SNX32: variants seen among roughly 807,000 people sequenced by gnomAD.
SNX32 encodes sorting nexin 32.
In SNX32, 58 loss-of-function variants were observed where a neutral mutation model predicts 57.0. The ratio of observed to expected loss-of-function variants is 1.02; its 90% CI spans 0.82 to 1.27. The LOEUF (loss-of-function observed/expected upper bound fraction) is 1.27. SNX32 is among the 50% of genes most tolerant of loss of function. The pLI is 0.00. For missense variants in SNX32, 589 were observed against 541.2 expected (o/e 1.09, Z -0.88); for synonymous variants, 262 against 220.4 (o/e 1.19, Z -1.67).
At chr11:65,837,531 A>C (rs1858700268) in intron 1 of SNX32, among the ~76,000 whole-genome samples, 1 of 152,068 alleles carries the variant, frequency 6.6e-6, no homozygotes, top group South Asian at 2.1e-4. Context: ...AAACAAAACC[A>C]AAAAAGGGCC....
At chr11:65,842,380 G>GGATC (rs2134691789) in intron 1 of SNX32, among the ~76,000 whole-genome samples, 1 of 152,322 alleles carries the variant, frequency 6.6e-6, no homozygotes, top group South Asian at 2.1e-4. Flanking sequence ...CGGGCGTGGT[G>GGATC]GATCATGCCT....
At chr11:65,849,077 G>C (rs1859082407) in intron 1 of SNX32, among the ~76,000 whole-genome samples, 2 of 152,170 alleles carry the variant, frequency 1.3e-5, no homozygotes, top group Non-Finnish European at 2.9e-5. Context: ...CCGGGAGGTG[G>C]AGGTTGCAGT....
At chr11:65,840,940 C>CTTT (rs899587826) in intron 1 of SNX32, among the ~76,000 whole-genome samples, 1 of 148,398 alleles carries the variant, frequency 6.7e-6, no homozygotes, top group African/African-American at 2.5e-5. Flanking sequence ...GTTTTTTTTT[C>CTTT]TTTCTTTCTT....
At chr11:65,851,268 A>C (rs1481201457) in intron 7 of SNX32, 60 bp from the exon 8 acceptor site, 11 of 1,607,506 alleles carry the variant, frequency 6.8e-6, no homozygotes, top group Non-Finnish European at 9.4e-6. Flanking sequence ...GTCTGTGGCC[A>C]CAAGCACCAA....
At chr11:65,834,642 G>A (rs1858608031) in intron 1 of SNX32, among the ~76,000 whole-genome samples, 1 of 151,030 alleles carries the variant, frequency 6.6e-6, no homozygotes, top group Non-Finnish European at 1.5e-5. Context: ...GTGCATGTAT[G>A]CATCTGTGTG....
intron 1 of SNX32, 95 bp from the exon 2 acceptor site, chr11:65,849,383 G>A: frequency 1.1e-6 from 1 of 916,946 alleles, no homozygotes; most frequent in Admixed American, 2.1e-5. Context: ...CAGTGCTGCT[G>A]AAGAGGGTTC....
In SNX32 at chr11:65,852,481, T is replaced by TCACC. The variant is rs1859231776; in HGVS notation, c.842_843insCACC (p.Ala282ThrfsTer5). 2 of 1,613,926 alleles carry TCACC rather than the reference T, an allele frequency of 1.2e-6. No individual in the cohort carries two copies. The highest frequency in any genetic ancestry group is 2.2e-5 in the South Asian group (2 of 91,080). On this transcript the variant is annotated frameshift_variant, in exon 10 of 13. Coordinates refer to ENST00000308342, the MANE Select transcript of SNX32 (RefSeq NM_152760.3). LOFTEE classifies it high-confidence loss of function. ...CTGATGCAGAAGCTGGAGGGCCGGGTGGCTTCCGATGAGGACCTGAAGCTG... is the reference window on the plus strand; with the variant it reads ...CTGATGCAGAAGCTGGAGGGCCGGGTCACCGGCTTCCGATGAGGACCTGAAGCTG...
In SNX32 at chr11:65,852,341, C is replaced by A. The variant is rs140768793; in HGVS notation, c.826-124C>A. ...CTTCCCTGGCCTGCACCCCTCAACA[C>A]CAGACCTGACCTGGAACAGTTACCT... On this transcript the variant is annotated intron_variant, in intron 9 of 12. Coordinates refer to ENST00000308342, the MANE Select transcript of SNX32 (RefSeq NM_152760.3). 3,689 of 857,722 alleles carry A rather than the reference C, an allele frequency of 4.3e-3. 57 individuals carry two copies. Among genetic ancestry groups the A allele is most frequent in the East Asian group, 0.039 (1,601 of 40,776 alleles). 53.1% of individuals were successfully genotyped at this position (857,722 alleles called of 1,614,324 possible).
chr11:65,840,729 G>A (rs1283392985), intron 1 of SNX32, among the ~76,000 whole-genome samples: 1 of 151,878 alleles, frequency 6.6e-6, no homozygotes, highest in African/African-American at 2.4e-5. Context: ...CCTTGAGCCT[G>A]GGAGTTCAAG....
In SNX32 at chr11:65,850,763, G is replaced by C. The variant is rs779564062; in HGVS notation, c.511G>C (p.Gly171Arg). 2 of 1,614,078 alleles carry C rather than the reference G, an allele frequency of 1.2e-6. No homozygotes were observed. The highest frequency in any genetic ancestry group is 1.7e-5 in the Admixed American group (1 of 60,022). Residue 171 changes from glycine to arginine, a missense_variant, in exon 6 of 13, where the codon GGG (glycine) becomes CGG (arginine). Coordinates refer to ENST00000308342, the MANE Select transcript of SNX32 (RefSeq NM_152760.3). ...CTGTGTGCCTCAGCTGAGTGTCCGGGGGAAGAACAGGAAGGAGCTCCTCGG... is the reference window on the plus strand; with the variant it reads ...CTGTGTGCCTCAGCTGAGTGTCCGGCGGAAGAACAGGAAGGAGCTCCTCGG... ...LEYGQDLSVR[G>R]KNRKELLGGF...
chr11:65,851,872 T>C (rs1481273964), intron 9 of SNX32, among the ~76,000 whole-genome samples, 193 bp downstream of exon 9: 2 of 152,076 alleles, frequency 1.3e-5, no homozygotes, highest in Middle Eastern at 3.2e-3. Flanking sequence ...CGTGTGTGTG[T>C]TGGGGGGTGC....
intron 12 of SNX32, 48 bp from the exon 13 acceptor site, chr11:65,853,234 C>T (rs1591043217): frequency 6.2e-7 from 1 of 1,613,204 alleles, no homozygotes. Context: ...AGAATGGCAG[C>T]CTGACTCAGG....
chr11:65,847,321 A>T (rs543375441), intron 1 of SNX32, among the ~76,000 whole-genome samples: 118 of 152,120 alleles, frequency 7.8e-4, no homozygotes, highest in African/African-American at 2.4e-3. Context: ...AAAAATTTTT[A>T]AATTAGCTGG....
intron 1 of SNX32, among the ~76,000 whole-genome samples, chr11:65,845,037 C>CT (rs1266178423): frequency 2.1e-5 from 3 of 145,190 alleles, no homozygotes; most frequent in African/African-American, 7.6e-5. Flanking sequence ...GTGCTGCACA[C>CT]TTGTAATCCC....
intron 1 of SNX32, among the ~76,000 whole-genome samples, chr11:65,842,864 C>T (rs1413190041): frequency 7.1e-6 from 1 of 140,692 alleles, no homozygotes; most frequent in Non-Finnish European, 1.5e-5. Flanking sequence ...GCAGGAGAAT[C>T]GCTTGAACCT....
chr11:65,853,642 ATAG>A lies in SNX32; in HGVS notation c.*308_*310del, dbSNP rs1859304817. The A allele has an allele frequency of 4.3e-6, 2 of 469,988 alleles. No individual in the cohort carries two copies. Among genetic ancestry groups the A allele is most frequent in the Admixed American group, 7.3e-5 (2 of 27,514 alleles). 29.1% of individuals were successfully genotyped at this position (469,988 alleles called of 1,614,324 possible). A position where few individuals can be genotyped will look rare whatever the true frequency, so the allele number is the denominator to read the frequency against. On this transcript the variant is annotated 3_prime_UTR_variant, in exon 13 of 13. Transcript: ENST00000308342. ...CCTCACCCATAGCCCTGAAGGAATC[ATAG>A]CTCACTTGATCCCGGCCTGTTCTCC... is the stretch of plus-strand genomic sequence containing the variant.
At chr11:65,837,246 A>C (rs748634451) in intron 1 of SNX32, among the ~76,000 whole-genome samples, 20 of 152,190 alleles carry the variant, frequency 1.3e-4, no homozygotes, top group Non-Finnish European at 2.5e-4. Context: ...GAATGGACTA[A>C]ATTCTCCAAT....
Position 65,852,674 on chromosome 11 carries a change from T to C in SNX32, c.957T>C (p.Asn319=), listed in dbSNP as rs763096986. Residue 319 remains asparagine (N), a synonymous_variant, in exon 11 of 13, where the codon AAT becomes AAC. Coordinates refer to ENST00000308342, the MANE Select transcript of SNX32 (RefSeq NM_152760.3). ...RRLRALADYE[N]ANKALDKART... is the part of the protein sequence containing the mutation. ...TGCGGGCACTGGCCGACTACGAGAA[T>C]GCCAACAAGGCGCTGGACAAGGCGC... is the stretch of plus-strand genomic sequence containing the variant. The C allele has an allele frequency of 6.3e-7, 1 of 1,598,540 alleles. No homozygotes were observed. Among genetic ancestry groups the C allele is most frequent in the African/African-American group, 1.3e-5 (1 of 74,732 alleles).
chr11:65,851,527 G>T (rs1859196488), intron 8 of SNX32, 113 bp from the exon 9 acceptor site: 2 of 1,515,738 alleles, frequency 1.3e-6, no homozygotes, highest in Admixed American at 3.4e-5. Context: ...CCTGTTGGGG[G>T]ATGGTGTTGG....
Sources: gnomAD v4.1 joint callset for allele counts (sites outside exome capture counted in the v4.1 genomes callset) on GRCh38, gnomAD v4.1.1 for gene constraint, MANE v1.5 for transcripts, NCBI Gene and HGNC (gene_info 2026-07-23, HGNC 2026-07-21) for gene names.